Variants in CYP27A1 observed in about 807,000 individuals in gnomAD.
CYP27A1 encodes the protein sterol 26-hydroxylase, mitochondrial.
Under a neutral mutation model 58.2 loss-of-function variants are expected in CYP27A1, and 46 were observed. That is an observed-to-expected ratio of 0.79 (90% CI 0.62 to 1.01). The LOEUF (loss-of-function observed/expected upper bound fraction) is 1.01, where lower values mean the gene tolerates loss of function less well. CYP27A1 is among the 50% of genes least tolerant of loss of function. The pLI, the probability that CYP27A1 is intolerant of heterozygous loss-of-function variation, is 0.00. For missense variants in CYP27A1, 704 were observed against 687.0 expected, an observed-to-expected ratio of 1.02 and a Z score of -0.28; for synonymous variants, 274 against 285.1, an observed-to-expected ratio of 0.96 and a Z score of 0.39.
rs1304788255 is a variant in CYP27A1 at position 218,814,925 on chromosome 2, CA to C, written c.1493del (p.Lys498ArgfsTer11). On this transcript the variant is annotated frameshift_variant, in exon 9 of 9. Coordinates refer to ENST00000258415, the MANE Select transcript of CYP27A1 (RefSeq NM_000784.4). LOFTEE classifies it high-confidence loss of function. ...TTACCCCCCAGCTGATCCAGAAGTA[CA>C]AGGTGGTCCTGGCCCCGGAGACGGG... is the stretch of plus-strand genomic sequence containing the variant. Reference protein sequence around the residue: ...LLLARLIQKYKVVLAPETGEL... With the variant: ...LLLARLIQKYXVVLAPETGEL... 2 of 1,614,236 alleles carry C rather than the reference CA, an allele frequency of 1.2e-6. No homozygotes were observed. The highest frequency in any genetic ancestry group is 1.7e-6 in the Non-Finnish European group (2 of 1,180,044).
chr2:218,801,197 G>C (rs979059147), intron 1 of CYP27A1, among the ~76,000 whole-genome samples: 7 of 152,134 alleles, frequency 4.6e-5, no homozygotes, highest in Non-Finnish European at 8.8e-5. Flanking sequence ...CATGACAAAG[G>C]GCAGTCCAAA....
intron 1 of CYP27A1, among the ~76,000 whole-genome samples, chr2:218,798,105 C>A (rs1455766576): frequency 1.3e-5 from 2 of 151,994 alleles, no homozygotes; most frequent in Non-Finnish European, 2.9e-5. Context: ...TGGATTCAAG[C>A]AATTCTCATG....
chr2:218,789,996 A>G (rs1011710480), intron 1 of CYP27A1, among the ~76,000 whole-genome samples: 4 of 152,308 alleles, frequency 2.6e-5, no homozygotes, highest in African/African-American at 7.2e-5. Flanking sequence ...TGATTATGTC[A>G]CATTTAGCAT....
intron 1 of CYP27A1, among the ~76,000 whole-genome samples, chr2:218,800,303 C>G (rs932285759): frequency 6.2e-4 from 95 of 152,022 alleles, no homozygotes; most frequent in African/African-American, 2.2e-3. Context: ...GAGTCCAAGC[C>G]TTTGTTTATA....
chr2:218,786,263 A>C (rs1943439551), intron 1 of CYP27A1, among the ~76,000 whole-genome samples: 1 of 152,142 alleles, frequency 6.6e-6, no homozygotes, highest in African/African-American at 2.4e-5. Flanking sequence ...ACATACCCTA[A>C]TTAGCTTACC....
chr2:218,803,527 A>C (rs955404422), intron 1 of CYP27A1, among the ~76,000 whole-genome samples: 1 of 151,516 alleles, frequency 6.6e-6, no homozygotes, highest in African/African-American at 2.4e-5. Flanking sequence ...AGGTTCAAGC[A>C]ATTCTTCTGC....
At chr2:218,784,358 C>A (rs920749375) in intron 1 of CYP27A1, among the ~76,000 whole-genome samples, 1 of 152,166 alleles carries the variant, frequency 6.6e-6, no homozygotes, top group African/African-American at 2.4e-5. Flanking sequence ...GCTGCTGTAA[C>A]CTTTGTTTCT....
At chr2:218,804,169 A>T (rs964353314) in intron 1 of CYP27A1, among the ~76,000 whole-genome samples, 1 of 152,192 alleles carries the variant, frequency 6.6e-6, no homozygotes, top group Admixed American at 6.5e-5. Flanking sequence ...AGAGTTTTAT[A>T]GTTTTAGCTC....
chr2:218,798,869 C>T (rs1032028281), intron 1 of CYP27A1, among the ~76,000 whole-genome samples: 3 of 146,890 alleles, frequency 2.0e-5, no homozygotes, highest in South Asian at 2.1e-4. Context: ...GGTGACAGAG[C>T]GAGACTTGAT....
In CYP27A1 at chr2:218,782,344, A is replaced by G. The variant is rs756465064; in HGVS notation, c.162A>G (p.Gln54=). ...CCGGGCCTGGTGTCCGGCGGCGGCAACGGAGCTTAGAGGAGATTCCACGTC... is the reference window on the plus strand; with the variant it reads ...CCGGGCCTGGTGTCCGGCGGCGGCAGCGGAGCTTAGAGGAGATTCCACGTC... ...PGAGPGVRRR[Q]RSLEEIPRLG... Residue 54 remains glutamine, a synonymous_variant, in exon 1 of 9, where the codon CAA becomes CAG. Coordinates refer to ENST00000258415, the MANE Select transcript of CYP27A1 (RefSeq NM_000784.4). The surrounding 1 kb of genome is among the most constrained non-coding windows in gnomAD (Gnocchi z 4.1). 5.0e-6 allele frequency: 8 copies of G among 1,613,920 alleles called. No homozygotes were observed. The East Asian group carries it at 1.3e-4, about 27-fold the overall frequency.
chr2:218,797,307 G>A (rs375547461), intron 1 of CYP27A1, among the ~76,000 whole-genome samples: 2 of 152,082 alleles, frequency 1.3e-5, no homozygotes, highest in Non-Finnish European at 2.9e-5. Context: ...CACCATGTTG[G>A]CCAGGCAGGT....
At chr2:218,794,915 G>A (rs954498641) in intron 1 of CYP27A1, among the ~76,000 whole-genome samples, 1 of 152,120 alleles carries the variant, frequency 6.6e-6, no homozygotes, top group Admixed American at 6.5e-5. Context: ...CAAATATCTG[G>A]GGTACATGAA....
At chr2:218,792,300 A>G (rs1943501580) in intron 1 of CYP27A1, among the ~76,000 whole-genome samples, 1 of 152,178 alleles carries the variant, frequency 6.6e-6, no homozygotes, top group African/African-American at 2.4e-5. Context: ...AGGTAATTTG[A>G]CTTAGAACAT....
intron 1 of CYP27A1, among the ~76,000 whole-genome samples, chr2:218,792,663 C>T (rs1943504757): frequency 1.3e-5 from 2 of 152,096 alleles, no homozygotes. Context: ...TTCAAATAGT[C>T]ATAGTTAATG....
chr2:218,782,279 G>T lies in CYP27A1; in HGVS notation c.97G>T (p.Ala33Ser). 1 of 1,583,826 alleles carries T rather than the reference G, an allele frequency of 6.3e-7. No individual in the cohort carries two copies. The highest frequency in any genetic ancestry group is 8.6e-7 in the Non-Finnish European group (1 of 1,165,144). The change falls in exon 1 of 9, where the codon GCC (alanine) becomes TCC (serine). Residue 33 changes from alanine (A) to serine (S), a missense_variant. Physicochemically the swap from Ala to Ser is moderately conservative, Grantham distance 99. Transcript: ENST00000258415. The surrounding 1 kb of genome is among the most constrained non-coding windows in gnomAD (Gnocchi z 4.1). ...GGCCAGAGCCAAGGCCGCGATCCCTGCCGCCCTCCCCTCGGACAAGGCCAC... is the reference window on the plus strand; with the variant it reads ...GGCCAGAGCCAAGGCCGCGATCCCTTCCGCCCTCCCCTCGGACAAGGCCAC... The part of the protein sequence containing the change: ...HGARAKAAIP[A>S]ALPSDKATGA...
Position 218,782,467 on chromosome 2 carries a change from A to G in CYP27A1, c.255+30A>G. On this transcript the variant is annotated intron_variant, in intron 1 of 8. Coordinates refer to ENST00000258415, the MANE Select transcript of CYP27A1 (RefSeq NM_000784.4). This position sits in a 1 kb window ranked among gnomAD's most constrained non-coding sequence, Gnocchi z 4.1. Reference sequence around the variant, plus strand: ...CCCGCGGGGGCATCGCGTCCTGGGGATGGGAGTGGGCACCGGAACAGAGAG... The same window carrying G: ...CCCGCGGGGGCATCGCGTCCTGGGGGTGGGAGTGGGCACCGGAACAGAGAG... 1 of 1,613,872 alleles carries G rather than the reference A, an allele frequency of 6.2e-7. No individual in the cohort carries two copies. The highest frequency in any genetic ancestry group is 8.5e-7 in the Non-Finnish European group (1 of 1,179,902).
Position 218,812,232 on chromosome 2 carries a change from C to CA in CYP27A1, c.458dup (p.His153GlnfsTer28), listed in dbSNP as rs1192723446. The CA allele has an allele frequency of 1.9e-6, 3 of 1,613,926 alleles. No individual in the cohort carries two copies. Among genetic ancestry groups the CA allele is most frequent in the Non-Finnish European group, 2.5e-6 (3 of 1,179,962 alleles). ...TCTGCGTCCCTGCAGGGAAGGACAC[C>CA]ACTGGTACCAGCTGCGCCAGGCTCT... On this transcript the variant is annotated frameshift_variant, in exon 3 of 9. Transcript: ENST00000258415. LOFTEE classifies it high-confidence loss of function.
rs140059093 is a variant in CYP27A1 at position 218,815,077 on chromosome 2, G to C, written c.*47G>C. ...GGCTTGTCCTAGAGGCTCCAGCTCT[G>C]GCACAGTGGTTCCTGGCTGCTGCCA... On this transcript the variant is annotated 3_prime_UTR_variant, in exon 9 of 9. Transcript: ENST00000258415. 1 of 1,613,004 alleles carries C rather than the reference G, an allele frequency of 6.2e-7. No homozygotes were observed. The highest frequency in any genetic ancestry group is 1.7e-5 in the Admixed American group (1 of 59,990).
intron 1 of CYP27A1, among the ~76,000 whole-genome samples, chr2:218,799,890 G>A (rs896802637): frequency 6.6e-6 from 1 of 151,910 alleles, no homozygotes; most frequent in Non-Finnish European, 1.5e-5. Flanking sequence ...GACAACTGTG[G>A]TTGCCATCAA....
Sources: gnomAD v4.1 joint callset for allele counts (sites outside exome capture counted in the v4.1 genomes callset) on GRCh38, gnomAD v4.1.1 for gene constraint, Gnocchi (gnomAD v3.1) non-coding constraint, MANE v1.5 for transcripts, NCBI Gene and HGNC (gene_info 2026-07-23, HGNC 2026-07-21) for gene names.